The following C5orf34 variants were observed in gnomAD, a reference collection of about 807,000 sequenced individuals.
The protein encoded by C5orf34 is uncharacterized protein C5orf34.
In C5orf34, 73 loss-of-function variants were observed where a neutral mutation model predicts 78.4. The ratio of observed to expected loss-of-function variants is 0.93; its 90% CI spans 0.77 to 1.13. The LOEUF (loss-of-function observed/expected upper bound fraction) is 1.13, where lower values mean the gene tolerates loss of function less well. Ranked by LOEUF, C5orf34 falls within the 50% of genes most tolerant of loss-of-function variation. The pLI is 0.00. For missense variants in C5orf34, 730 were observed against 732.7 expected (o/e 1.00, Z 0.04); for synonymous variants, 251 against 246.6 (o/e 1.02, Z -0.17).
At chr5:43,502,342 C>T (rs1285189295) in intron 6 of C5orf34, 30 bp downstream of exon 6, 1 of 1,608,838 alleles carries the variant, frequency 6.2e-7, no homozygotes, top group East Asian at 2.2e-5. Context: ...CAGCAAAACT[C>T]TTCTTGAGTT....
chr5:43,490,171 G>A (rs1378503854), intron 11 of C5orf34, among the ~76,000 whole-genome samples: 1 of 152,160 alleles, frequency 6.6e-6, no homozygotes, highest in Non-Finnish European at 1.5e-5. Context: ...GCACACAGGA[G>A]GGACTAAAAT....
chr5:43,488,992 A>G (rs1745167331), intron 11 of C5orf34, among the ~76,000 whole-genome samples: 1 of 152,110 alleles, frequency 6.6e-6, no homozygotes, highest in Non-Finnish European at 1.5e-5. Flanking sequence ...ACTCCAGCCT[A>G]TGGATGGAGA....
At chr5:43,505,365 C>T (rs1309298133) in intron 4 of C5orf34, among the ~76,000 whole-genome samples, 1 of 152,234 alleles carries the variant, frequency 6.6e-6, no homozygotes, top group Non-Finnish European at 1.5e-5. Context: ...CAGTGAGCGG[C>T]AGCAGGTGCT....
chr5:43,509,344 A>T lies in C5orf34; in HGVS notation c.-5T>A. 1 of 1,507,928 alleles carries T rather than the reference A, an allele frequency of 6.6e-7. No homozygotes were observed. Among genetic ancestry groups the T allele is most frequent in the Non-Finnish European group, 8.8e-7 (1 of 1,134,866 alleles). The allele number at this position is 1,507,928 out of a possible 1,614,324, so 93.4% of individuals were successfully genotyped here. Reference sequence around the variant, plus strand: ...CATTCGCAGTTCAGCTGCCATTACAACGGCAGGATAAGATATCTTCTAAGT... The same window carrying T: ...CATTCGCAGTTCAGCTGCCATTACATCGGCAGGATAAGATATCTTCTAAGT... On this transcript the variant is annotated 5_prime_UTR_variant, in exon 2 of 13. It adds an upstream start codon to the 5' untranslated region. Coordinates refer to ENST00000306862, the MANE Select transcript of C5orf34 (RefSeq NM_198566.4).
At chr5:43,487,182 T>C in intron 12 of C5orf34, 71 bp from the exon 13 acceptor site, 4 of 681,732 alleles carry the variant, frequency 5.9e-6, no homozygotes, top group East Asian at 3.2e-5. Flanking sequence ...ACAGAAAGCA[T>C]AGGCTTCATA....
chr5:43,510,632 G>A (rs796943441), intron 1 of C5orf34, among the ~76,000 whole-genome samples: 36 of 151,230 alleles, frequency 2.4e-4, no homozygotes, highest in Admixed American at 1.1e-3. Flanking sequence ...TGGTGGAGAC[G>A]GGGTTTCGCT....
chr5:43,506,821 TAAAA>T (rs907310526), intron 3 of C5orf34, among the ~76,000 whole-genome samples: 4 of 144,106 alleles, frequency 2.8e-5, no homozygotes, highest in African/African-American at 7.6e-5. Flanking sequence ...AAGTTTTAAA[TAAAA>T]AAAAAAGCAA....
In C5orf34 at chr5:43,486,950, C is replaced by T. The variant is rs749338613; in HGVS notation, c.1882G>A (p.Asp628Asn). ...GAGTTTGATAGAAGACAGTCAATAT[C>T]GTGAAGGATTTCAGAGGTTTTTTTC... ...ALKKTSEILH[D>N]IDCLLSNSKK The change falls in exon 13 of 13, where the codon GAT (aspartate) becomes AAT (asparagine). Residue 628 changes from aspartate to asparagine, a missense_variant. Asp to Asn is a conservative substitution (Grantham distance 23). Transcript: ENST00000306862. 1.9e-5 allele frequency: 29 copies of T among 1,554,408 alleles called. No individual in the cohort carries two copies. Among genetic ancestry groups the T allele is most frequent in the Non-Finnish European group, 2.2e-5 (26 of 1,155,828 alleles).
intron 10 of C5orf34, 25 bp downstream of exon 10, chr5:43,492,190 A>G: frequency 1.4e-6 from 2 of 1,465,872 alleles, no homozygotes; most frequent in African/African-American, 1.4e-5. Context: ...ACATAAAAAT[A>G]ATTTTTAAAA....
intron 6 of C5orf34, chr5:43,496,267 A>C: frequency 6.3e-7 from 1 of 1,585,110 alleles, no homozygotes; most frequent in Non-Finnish European, 8.6e-7. Context: ...CTCAGCTTTC[A>C]GTTTATGCAA....
At chr5:43,498,601 C>T (rs1048273658) in intron 6 of C5orf34, among the ~76,000 whole-genome samples, 2 of 152,172 alleles carry the variant, frequency 1.3e-5, no homozygotes, top group Non-Finnish European at 2.9e-5. Flanking sequence ...TCATCCTCAG[C>T]GTCCAGTCAG....
At chr5:43,502,209 A>G (rs963470416) in intron 6 of C5orf34, among the ~76,000 whole-genome samples, 163 bp downstream of exon 6, 4 of 152,222 alleles carry the variant, frequency 2.6e-5, no homozygotes, top group African/African-American at 9.6e-5. Flanking sequence ...AAGGTGGTTA[A>G]TAATTACTGT....
chr5:43,503,983 A>G (rs1431154768), intron 4 of C5orf34, among the ~76,000 whole-genome samples: 2 of 152,134 alleles, frequency 1.3e-5, no homozygotes, highest in African/African-American at 2.4e-5. Flanking sequence ...TCTCAGCACA[A>G]TTACATAAAT....
Position 43,503,779 on chromosome 5 carries a change from A to C in C5orf34, c.933-19T>G, listed in dbSNP as rs1282939087. On this transcript the variant is annotated intron_variant, in intron 4 of 12. Transcript: ENST00000306862. ...ATTCCACCTGTGAAGGATAAAATAC[A>C]AGCTATTACTTCTGGTTGCTCAATA... 6 of 1,495,614 alleles carry C rather than the reference A, an allele frequency of 4.0e-6. No individual in the cohort carries two copies. The highest frequency in any genetic ancestry group is 2.3e-5 in the East Asian group (1 of 44,254). The allele number at this position is 1,495,614 out of a possible 1,614,324, so 92.6% of individuals were successfully genotyped here.
At chr5:43,492,168 G>T in intron 10 of C5orf34, 47 bp downstream of exon 10, 1 of 1,300,866 alleles carries the variant, frequency 7.7e-7, no homozygotes. Context: ...TTCTCTGTTA[G>T]TTAAAAGTAA....
At chr5:43,507,207 T>C (rs1325663800) in intron 3 of C5orf34, among the ~76,000 whole-genome samples, 2 of 152,224 alleles carry the variant, frequency 1.3e-5, no homozygotes, top group Admixed American at 6.5e-5. Context: ...ACAGTGTTGA[T>C]TGTGACTTTT....
At chr5:43,497,966 A>G (rs1745611530) in intron 6 of C5orf34, among the ~76,000 whole-genome samples, 1 of 152,162 alleles carries the variant, frequency 6.6e-6, no homozygotes, top group African/African-American at 2.4e-5. Context: ...CCCTTTGCCT[A>G]GCTAACACCT....
rs1745988178 is a variant in C5orf34, at chr5:43,506,372, T to C, written c.308A>G (p.Glu103Gly). 7.5e-6 allele frequency: 12 copies of C among 1,605,758 alleles called. No individual in the cohort carries two copies. The highest frequency in any genetic ancestry group is 1.1e-5 in the South Asian group (1 of 89,816). The change falls in exon 4 of 13, where the codon GAA (glutamate) becomes GGA (glycine). Residue 103 changes from glutamate to glycine, a missense_variant. Glu to Gly is a moderately conservative substitution (Grantham distance 98, BLOSUM62 -2). Coordinates refer to ENST00000306862, the MANE Select transcript of C5orf34 (RefSeq NM_198566.4). ...TGTATCAAGACTGGGCCATCTCACTTCTGTTATGTCAATGAAGATATGCTG... is the reference window on the plus strand; with the variant it reads ...TGTATCAAGACTGGGCCATCTCACTCCTGTTATGTCAATGAAGATATGCTG... ...RKKHIFIDIT[E>G]VRWPSLDTDG...
rs372822499 is a variant in C5orf34 at position 43,505,990 on chromosome 5, C to T, written c.690G>A (p.Lys230=). Residue 230 remains lysine, a synonymous_variant, in exon 4 of 13, where the codon AAG becomes AAA. Transcript: ENST00000306862. ...TGACCCATGTGTATACACATGTGTG[C>T]TTTGTACCAGGCGAAGGCAGCTCTT... ...GREELPSPGT[K]HTCVYTWVKQ... is the part of the protein sequence containing the mutation. 1 of 1,614,202 alleles carries T rather than the reference C, an allele frequency of 6.2e-7. No homozygotes were observed. The highest frequency in any genetic ancestry group is 8.5e-7 in the Non-Finnish European group (1 of 1,180,032).
Sources: gnomAD v4.1 joint callset for allele counts (sites outside exome capture counted in the v4.1 genomes callset) on GRCh38, gnomAD v4.1.1 for gene constraint, MANE v1.5 for transcripts, NCBI Gene and HGNC (gene_info 2026-07-23, HGNC 2026-07-21) for gene names.